CPNE8: variants seen among roughly 807,000 people sequenced by gnomAD.
CPNE8 encodes the protein copine 8, also known as copine-8.
In CPNE8, 45 loss-of-function variants were observed where a neutral mutation model predicts 81.5. The observed-to-expected ratio is 0.55, with a 90% CI of 0.44 to 0.71. The LOEUF (loss-of-function observed/expected upper bound fraction) is 0.71. Ranked by LOEUF, CPNE8 falls within the 30% of genes least tolerant of loss-of-function variation. The pLI, the probability that CPNE8 is intolerant of heterozygous loss-of-function variation, is 0.00. For synonymous variants in CPNE8, 252 were observed against 226.3 expected (o/e 1.11, Z -1.02); for missense variants, 594 against 672.1 (o/e 0.88, Z 1.28).
intron 1 of CPNE8, among the ~76,000 whole-genome samples, chr12:38,884,516 C>T (rs1247246509): frequency 6.6e-6 from 1 of 152,054 alleles, no homozygotes; most frequent in African/African-American, 2.4e-5. Context: ...AGTTTTTATG[C>T]GGACATATGG....
intron 13 of CPNE8, among the ~76,000 whole-genome samples, chr12:38,704,843 T>TATATATATATATATATATATATATAC (rs1940061291): frequency 7.5e-6 from 1 of 134,032 alleles, no homozygotes; most frequent in Non-Finnish European, 1.6e-5. Context: ...TATATATATA[T>TATATATATATATATATATATATATAC]ATATATATAT....
intron 6 of CPNE8, among the ~76,000 whole-genome samples, chr12:38,795,865 A>AT (rs1942451077): frequency 7.5e-6 from 1 of 133,458 alleles, no homozygotes; most frequent in Non-Finnish European, 1.6e-5. Flanking sequence ...AGATGGATGG[A>AT]TGGATAGATA....
At chr12:38,865,285 C>T (rs961059710) in intron 3 of CPNE8, among the ~76,000 whole-genome samples, 1 of 152,134 alleles carries the variant, frequency 6.6e-6, no homozygotes, top group African/African-American at 2.4e-5. Context: ...ATATTTCACT[C>T]CTACATGTAT....
intron 19 of CPNE8, among the ~76,000 whole-genome samples, chr12:38,667,652 A>G (rs996135826): frequency 1.3e-5 from 2 of 152,172 alleles, no homozygotes; most frequent in African/African-American, 4.8e-5. Flanking sequence ...TTGTTCAGTA[A>G]ATGTTAAGAC....
intron 16 of CPNE8, among the ~76,000 whole-genome samples, chr12:38,681,790 T>A (rs1224826284): frequency 6.6e-6 from 1 of 152,208 alleles, no homozygotes; most frequent in Non-Finnish European, 1.5e-5. Flanking sequence ...TTAAAATATA[T>A]CTCTATATTT....
At chr12:38,736,342 C>T (rs1940953381) in intron 10 of CPNE8, among the ~76,000 whole-genome samples, 1 of 151,030 alleles carries the variant, frequency 6.6e-6, no homozygotes, top group African/African-American at 2.4e-5. Context: ...TGATTATATC[C>T]ACACAAAGAT....
chr12:38,847,435 GC>G (rs1943577628), intron 4 of CPNE8, among the ~76,000 whole-genome samples: 1 of 152,182 alleles, frequency 6.6e-6, no homozygotes, highest in South Asian at 2.1e-4. Context: ...TTTTTTAGTG[GC>G]AACGCTATGT....
chr12:38,901,683 C>T (rs1944463880), intron 1 of CPNE8, among the ~76,000 whole-genome samples: 2 of 152,152 alleles, frequency 1.3e-5, no homozygotes, highest in Non-Finnish European at 2.9e-5. Flanking sequence ...ATAAATACAT[C>T]TAGAAAAGGG....
upstream of CPNE8, chr12:38,906,192 C>A: frequency 1.0e-6 from 1 of 985,590 alleles, no homozygotes; most frequent in South Asian, 4.7e-5. Flanking sequence ...ACTGTGCCCT[C>A]GGGCAGATGA....
chr12:38,656,542 C>T (rs1393806551), intron 19 of CPNE8, among the ~76,000 whole-genome samples: 1 of 152,086 alleles, frequency 6.6e-6, no homozygotes, highest in East Asian at 1.9e-4. Flanking sequence ...TTTTACCTCC[C>T]TATTCTCAGA....
intron 6 of CPNE8, among the ~76,000 whole-genome samples, chr12:38,797,214 C>G (rs916654908): frequency 1.3e-5 from 2 of 152,208 alleles, no homozygotes; most frequent in Non-Finnish European, 2.9e-5. Flanking sequence ...CAGCACTCAG[C>G]TGGAGATCTG....
chr12:38,906,060 G>T, upstream of CPNE8: 5 of 986,616 alleles, frequency 5.1e-6, no homozygotes, highest in Non-Finnish European at 6.0e-6. Context: ...CCTCGCCTGA[G>T]TTGAAAGCTG....
At position 38,790,344 on chromosome 12, in the gene CPNE8, A is replaced by G. The variant is rs183001952; in HGVS notation, c.408-14043T>C. On this transcript the variant is annotated intron_variant, in intron 6 of 19. Coordinates refer to ENST00000331366, the MANE Select transcript of CPNE8 (RefSeq NM_153634.3). ...TAAGTAAAGTAAGCCAGGCACAGAA[A>G]GGCAAACATTGCATCTTCTCACTTA... Among the ~76,000 whole-genome samples the G allele has an allele frequency of 8.3e-4, 126 of 151,972 alleles. No homozygotes were observed. In the East Asian group the frequency reaches 9.1e-3, roughly 11 times the overall value.
At chr12:38,721,868 G>T (rs2136741194) in intron 13 of CPNE8, among the ~76,000 whole-genome samples, 1 of 152,328 alleles carries the variant, frequency 6.6e-6, no homozygotes, top group Non-Finnish European at 1.5e-5. Flanking sequence ...GCGGAGAGCT[G>T]GTACCTATGC....
At chr12:38,874,588 T>C (rs1944041077) in intron 1 of CPNE8, 77 bp from the exon 2 acceptor site, 4 of 884,194 alleles carry the variant, frequency 4.5e-6, no homozygotes, top group African/African-American at 1.7e-5. Flanking sequence ...TTAAAATGTG[T>C]ATGTACATAA....
chr12:38,854,069 A>C (rs1262837590), intron 3 of CPNE8, among the ~76,000 whole-genome samples: 1 of 152,054 alleles, frequency 6.6e-6, no homozygotes, highest in Non-Finnish European at 1.5e-5. Flanking sequence ...CAGAGATTAC[A>C]CAAGAGTAAA....
intron 19 of CPNE8, among the ~76,000 whole-genome samples, chr12:38,663,769 G>A (rs941730903): frequency 6.6e-6 from 1 of 152,112 alleles, no homozygotes; most frequent in African/African-American, 2.4e-5. Context: ...TGTAGCATAT[G>A]CACACAATGA....
chr12:38,795,549 A>G (rs1247738501), intron 6 of CPNE8, among the ~76,000 whole-genome samples: 2 of 152,216 alleles, frequency 1.3e-5, no homozygotes, highest in Admixed American at 6.5e-5. Context: ...AGTCTTTAAA[A>G]AGGCAGAAAT....
chr12:38,870,092 C>G (rs1350032704), intron 3 of CPNE8, among the ~76,000 whole-genome samples: 1 of 152,172 alleles, frequency 6.6e-6, no homozygotes, highest in African/African-American at 2.4e-5. Flanking sequence ...ATAGCAAGGG[C>G]TGTGTAGCCA....
Sources: gnomAD v4.1 joint callset for allele counts (sites outside exome capture counted in the v4.1 genomes callset) on GRCh38, gnomAD v4.1.1 for gene constraint, MANE v1.5 for transcripts, NCBI Gene and HGNC (gene_info 2026-07-23, HGNC 2026-07-21) for gene names.